PLA2G7: variants seen among roughly 807,000 people sequenced by gnomAD.
The protein encoded by PLA2G7 is phospholipase A2 group VII.
A neutral mutation model predicts 49.6 loss-of-function variants in PLA2G7; 63 were observed. The ratio of observed to expected loss-of-function variants is 1.27; its 90% CI spans 1.04 to 1.57. The LOEUF (loss-of-function observed/expected upper bound fraction) is 1.57. Ranked by LOEUF, PLA2G7 falls within the 40% of genes most tolerant of loss-of-function variation. The probability of loss-of-function intolerance (pLI) is 0.00; values close to 1 mark genes in which losing one functional copy is unlikely to be tolerated. For missense variants in PLA2G7, 596 were observed against 521.2 expected, an observed-to-expected ratio of 1.14 and a Z score of -1.40; for synonymous variants, 193 against 169.9, an observed-to-expected ratio of 1.14 and a Z score of -1.06.
At chr6:46,728,248 A>AT (rs1369283236) in intron 1 of PLA2G7, among the ~76,000 whole-genome samples, 1 of 152,160 alleles carries the variant, frequency 6.6e-6, no homozygotes, top group African/African-American at 2.4e-5. Flanking sequence ...CAACTAAGGC[A>AT]TTTTTGCCCC....
At chr6:46,709,554 C>T (rs1764943233) in intron 8 of PLA2G7, 136 bp from the exon 9 acceptor site, 2 of 656,770 alleles carry the variant, frequency 3.0e-6, no homozygotes, top group Non-Finnish European at 5.5e-6. Context: ...TATACATATA[C>T]ACACATACAT....
chr6:46,731,139 A>C (rs896273471), intron 1 of PLA2G7, among the ~76,000 whole-genome samples: 23 of 152,206 alleles, frequency 1.5e-4, no homozygotes, highest in African/African-American at 4.6e-4. Context: ...GGAAAGAGAA[A>C]TAGAGTTGCC....
At chr6:46,717,744 A>G (rs1251759633) in intron 2 of PLA2G7, among the ~76,000 whole-genome samples, 2 of 131,952 alleles carry the variant, frequency 1.5e-5, no homozygotes, top group African/African-American at 5.9e-5. Flanking sequence ...ACAGAGTCTC[A>G]CCGTGTTGCC....
intron 1 of PLA2G7, among the ~76,000 whole-genome samples, chr6:46,734,281 G>C (rs1054274909): frequency 6.6e-6 from 1 of 151,880 alleles, no homozygotes; most frequent in African/African-American, 2.4e-5. Flanking sequence ...CGCATAACTG[G>C]GCTCCAAAAA....
Position 46,704,460 on chromosome 6 carries a change from TCTCTCTCTCTCTCTCTCTCACACACA to T in PLA2G7, c.*74_*99del, listed in dbSNP as rs1383121251. 29 of 606,646 alleles carry T rather than the reference TCTCTCTCTCTCTCTCTCTCACACACA, an allele frequency of 4.8e-5. No individual in the cohort carries two copies. The African/African-American group carries it at 4.9e-4, about 10-fold the overall frequency. The allele number at this position is 606,646 out of a possible 1,614,324, so 37.6% of individuals were successfully genotyped here. ...TTAAAATTCTCTCTCTCTCTCTCTC[TCTCTCTCTCTCTCTCTCTCACACACA>T]CACACACACACACACACACACACAT... On this transcript the variant is annotated 3_prime_UTR_variant, in exon 12 of 12. Coordinates refer to ENST00000274793, the MANE Select transcript of PLA2G7 (RefSeq NM_005084.4).
intron 1 of PLA2G7, among the ~76,000 whole-genome samples, chr6:46,734,463 A>T (rs1191002907): frequency 0.018 from 2,305 of 128,988 alleles, 343 homozygotes; most frequent in African/African-American, 0.072. Context: ...AGAGAGAGAG[A>T]GAGAGAGAGA....
At chr6:46,711,440 A>T in intron 7 of PLA2G7, 56 bp downstream of exon 7, 2 of 1,594,024 alleles carry the variant, frequency 1.3e-6, no homozygotes, top group South Asian at 2.2e-5. Flanking sequence ...AACAAATGTC[A>T]TCCTTTTGTA....
intron 10 of PLA2G7, among the ~76,000 whole-genome samples, chr6:46,707,704 G>A (rs1295369205): frequency 6.6e-6 from 1 of 152,168 alleles, no homozygotes; most frequent in African/African-American, 2.4e-5. Flanking sequence ...AGAACTGTGA[G>A]CCAATGAAAC....
chr6:46,717,073 G>C lies in PLA2G7; in HGVS notation c.133C>G (p.Leu45Val). The change falls in exon 3 of 12, where the codon CTG becomes GTG. Residue 45 changes from leucine (L) to valine (V), a missense_variant. Coordinates refer to ENST00000274793, the MANE Select transcript of PLA2G7 (RefSeq NM_005084.4). ...SSAWVNKIQV[L>V]MAAASFGQTK... ...TGGCCAAAGCTTGCAGCAGCCATCAGTACTTGTATTTTGTTGACCCATGCT... is the reference window on the plus strand; with the variant it reads ...TGGCCAAAGCTTGCAGCAGCCATCACTACTTGTATTTTGTTGACCCATGCT... 1 of 1,613,556 alleles carries C rather than the reference G, an allele frequency of 6.2e-7. No individual in the cohort carries two copies. Among genetic ancestry groups the C allele is most frequent in the Non-Finnish European group, 8.5e-7 (1 of 1,179,434 alleles).
intron 1 of PLA2G7, among the ~76,000 whole-genome samples, chr6:46,730,100 G>T (rs578096621): frequency 6.6e-6 from 1 of 152,324 alleles, no homozygotes; most frequent in South Asian, 2.1e-4. Context: ...GGGATTTAAG[G>T]ATTTTAACAA....
intron 1 of PLA2G7, among the ~76,000 whole-genome samples, chr6:46,725,663 T>C (rs774544558): frequency 9.9e-5 from 15 of 152,206 alleles, no homozygotes; most frequent in Non-Finnish European, 1.9e-4. Flanking sequence ...TTGATCTTAT[T>C]TCAGTATTAC....
At position 46,704,685 on chromosome 6, in the gene PLA2G7, CT is replaced by C; in HGVS notation, c.1200del (p.Asp401IlefsTer8). 1 of 1,574,250 alleles carries C rather than the reference CT, an allele frequency of 6.4e-7. No homozygotes were observed. Among genetic ancestry groups the C allele is most frequent in the Non-Finnish European group, 8.7e-7 (1 of 1,143,800 alleles). The stretch of plus-strand genomic sequence containing the variant: ...ATCAAGCAGTCCCACTGATCAAAAT[CT>C]TTATGAAGTCCTATAAAATATAAAG... ...AFLQKHLGLH[K>X]DFDQWDCLIE... is the part of the protein sequence containing the mutation. On this transcript the variant is annotated frameshift_variant, in exon 12 of 12. Coordinates refer to ENST00000274793, the MANE Select transcript of PLA2G7 (RefSeq NM_005084.4). LOFTEE classifies it low-confidence loss of function (END_TRUNC).
rs761141266 is a variant in PLA2G7, at chr6:46,704,470, T to TCACACA, written c.*89_*90insTGTGTG. The TCACACA allele has an allele frequency of 1.2e-5, 3 of 256,312 alleles. No individual in the cohort carries two copies. The highest frequency in any genetic ancestry group is 1.0e-4 in the African/African-American group (3 of 29,760). The allele number at this position is 256,312 out of a possible 1,614,324, so 15.9% of individuals were successfully genotyped here. On this transcript the variant is annotated 3_prime_UTR_variant, in exon 12 of 12. Coordinates refer to ENST00000274793, the MANE Select transcript of PLA2G7 (RefSeq NM_005084.4). Reference sequence around the variant, plus strand: ...CTCTCTCTCTCTCTCTCTCTCTCTCTCTCTCTCTCACACACACACACACAC... The same window carrying TCACACA: ...CTCTCTCTCTCTCTCTCTCTCTCTCTCACACACTCTCTCTCACACACACACACACAC...
rs1582581950 is a variant in PLA2G7 at position 46,722,836 on chromosome 6, A to G, written c.56T>C (p.Val19Ala). Residue 19 changes from valine (V) to alanine (A), a missense_variant, in exon 2 of 12, where the codon GTT becomes GCT. Val to Ala is a moderately conservative substitution (Grantham distance 64, BLOSUM62 0). Coordinates refer to ENST00000274793, the MANE Select transcript of PLA2G7 (RefSeq NM_005084.4). ...TATGTATTGCCAGTCAAAAGGATAA[A>G]CCACAGCCAGGCAGCCGCAGAGGCA... is the stretch of plus-strand genomic sequence containing the variant. ...LFCLCGCLAVVYPFDWQYINP... is the reference protein window; with the variant it reads ...LFCLCGCLAVAYPFDWQYINP... 1 of 1,613,838 alleles carries G rather than the reference A, an allele frequency of 6.2e-7. No homozygotes were observed.
intron 1 of PLA2G7, among the ~76,000 whole-genome samples, chr6:46,731,759 G>A (rs540609568): frequency 1.3e-5 from 2 of 152,264 alleles, no homozygotes; most frequent in African/African-American, 4.8e-5. Context: ...CTTACATTAT[G>A]CTTCAGGGCA....
chr6:46,708,473 G>C (rs1764905670), intron 9 of PLA2G7, among the ~76,000 whole-genome samples: 1 of 152,102 alleles, frequency 6.6e-6, no homozygotes, highest in South Asian at 2.1e-4. Flanking sequence ...CTTCAACACT[G>C]TGGAGTATCT....
chr6:46,734,562 C>A (rs565078410), intron 1 of PLA2G7, among the ~76,000 whole-genome samples: 4 of 151,134 alleles, frequency 2.6e-5, no homozygotes, highest in Non-Finnish European at 5.9e-5. Context: ...GTGGCTCATG[C>A]CTGTAATCCC....
At chr6:46,720,103 G>T (rs957472210) in intron 2 of PLA2G7, among the ~76,000 whole-genome samples, 1 of 152,180 alleles carries the variant, frequency 6.6e-6, no homozygotes, top group African/African-American at 2.4e-5. Context: ...GCAGCCTGGT[G>T]CTACTGCAAC....
At position 46,704,441 on chromosome 6, in the gene PLA2G7, T is replaced by TTCTCTCTCTC. The variant is rs368946627; in HGVS notation, c.*109_*118dup. On this transcript the variant is annotated 3_prime_UTR_variant, in exon 12 of 12. Coordinates refer to ENST00000274793, the MANE Select transcript of PLA2G7 (RefSeq NM_005084.4). Reference sequence around the variant, plus strand: ...AGTCCTTTGGGAAAATACATTAAAATTCTCTCTCTCTCTCTCTCTCTCTCT... The same window carrying TTCTCTCTCTC: ...AGTCCTTTGGGAAAATACATTAAAATTCTCTCTCTCTCTCTCTCTCTCTCTCTCTCTCTCT... 335 of 552,738 alleles carry TTCTCTCTCTC rather than the reference T, an allele frequency of 6.1e-4. No individual in the cohort carries two copies. The highest frequency in any genetic ancestry group is 1.6e-3 in the East Asian group (50 of 30,724). The allele number at this position is 552,738 out of a possible 1,614,324, so 34.2% of individuals were successfully genotyped here.
Sources: gnomAD v4.1 joint callset for allele counts (sites outside exome capture counted in the v4.1 genomes callset) on GRCh38, gnomAD v4.1.1 for gene constraint, MANE v1.5 for transcripts, NCBI Gene and HGNC (gene_info 2026-07-23, HGNC 2026-07-21) for gene names.